Variants in DCAF6 observed in about 807,000 individuals in gnomAD.
The protein encoded by DCAF6 is DDB1 and CUL4 associated factor 6, also known as DDB1- and CUL4-associated factor 6.
In DCAF6, 54 loss-of-function variants were observed where a neutral mutation model predicts 125.1. The ratio of observed to expected loss-of-function variants is 0.43; its 90% CI spans 0.35 to 0.54. DCAF6 has a LOEUF of 0.54. DCAF6 is among the 20% of genes least tolerant of loss of function. The pLI is 0.01. For synonymous variants in DCAF6, 371 were observed against 390.4 expected (o/e 0.95, Z 0.58); for missense variants, 934 against 1,161.7 (o/e 0.80, Z 2.85).
intron 16 of DCAF6, among the ~76,000 whole-genome samples, chr1:168,048,334 A>T (rs138202115): frequency 1.4e-3 from 208 of 152,332 alleles, no homozygotes; most frequent in Admixed American, 3.8e-3. Flanking sequence ...ATACAAGTGT[A>T]TACTTAATTT....
At chr1:167,945,704 G>A (rs1672965563) in intron 1 of DCAF6, among the ~76,000 whole-genome samples, 1 of 151,822 alleles carries the variant, frequency 6.6e-6, no homozygotes, top group Admixed American at 6.6e-5. Flanking sequence ...GTTTCACCAT[G>A]TTGGCCAGGA....
intron 4 of DCAF6, 147 bp downstream of exon 4, chr1:167,975,162 TCAG>T (rs1677959832): frequency 4.4e-6 from 2 of 457,838 alleles, no homozygotes; most frequent in Admixed American, 4.4e-5. Flanking sequence ...TATCTAGGTG[TCAG>T]CAGAGCATTT....
rs189932189 is a variant in DCAF6 at position 167,995,968 on chromosome 1, T to C, written c.903+2528T>C. ...AAGTAGAGGTACAAGTAAATAAATA[T>C]GTAAAACTTAATATAGAATTATGTA... On this transcript the variant is annotated intron_variant, in intron 7 of 21. Transcript: ENST00000367840. 2.0e-3 allele frequency among the ~76,000 whole-genome samples: 303 copies of C among 152,302 alleles called. 2 individuals are homozygous for C. The highest frequency in any genetic ancestry group is 3.4e-3 in the Admixed American group (52 of 15,290).
the DCAF6 span, among the ~76,000 whole-genome samples, chr1:167,866,530 C>CAA: frequency 0.032 from 3,550 of 109,968 alleles, 108 homozygotes; most frequent in Non-Finnish European, 0.053. Context: ...CTCTATGTGC[C>CAA]AAAAAAAAAA....
At chr1:168,009,303 C>A (rs1248409405) in intron 10 of DCAF6, among the ~76,000 whole-genome samples, 1 of 151,794 alleles carries the variant, frequency 6.6e-6, no homozygotes, top group East Asian at 1.9e-4. Flanking sequence ...CTGCCATTTT[C>A]TTTTCTTTCT....
rs182608738 is a variant in DCAF6 at position 167,951,997 on chromosome 1, A to T, written c.159+136A>T. 1.2e-3 allele frequency: 652 copies of T among 539,610 alleles called. 4 individuals carry two copies. The highest frequency in any genetic ancestry group is 0.012 in the African/African-American group (599 of 51,570). 33.4% of individuals were successfully genotyped at this position (539,610 alleles called of 1,614,324 possible). ...GAATAAAGTTTTACATTAAAATATA[A>T]AATTATATTTTGAATCTAGAAGAGT... On this transcript the variant is annotated intron_variant, in intron 2 of 21. Coordinates refer to ENST00000367840, the MANE Select transcript of DCAF6 (RefSeq NM_001198956.2).
upstream of DCAF6, chr1:167,936,633 G>A (rs921241305): frequency 1.3e-5 from 5 of 375,090 alleles, no homozygotes. Flanking sequence ...CTCCGCCTCC[G>A]CCTCCTCCTG....
At chr1:167,925,919 T>TGTC in the DCAF6 span, among the ~76,000 whole-genome samples, 13 of 152,368 alleles carry the variant, frequency 8.5e-5, no homozygotes, top group African/African-American at 3.1e-4. Context: ...TTGATAAGTC[T>TGTC]GTCTTATGCT....
intron 21 of DCAF6, among the ~76,000 whole-genome samples, chr1:168,071,479 C>T (rs962706094): frequency 2.0e-5 from 3 of 151,792 alleles, no homozygotes; most frequent in African/African-American, 4.8e-5. Flanking sequence ...TACAAAAATA[C>T]AAAAATTAGC....
intron 3 of DCAF6, among the ~76,000 whole-genome samples, chr1:167,973,312 A>G (rs79303586): frequency 0.017 from 2,650 of 152,268 alleles, 74 homozygotes; most frequent in African/African-American, 0.059. Context: ...ACATGATGTT[A>G]TATAATTTAT....
chr1:167,992,287 A>C (rs933206753), intron 6 of DCAF6, among the ~76,000 whole-genome samples: 3 of 149,954 alleles, frequency 2.0e-5, no homozygotes, highest in South Asian at 2.1e-4. Context: ...ACACACAAAC[A>C]CCGAATGCAC....
intron 12 of DCAF6, among the ~76,000 whole-genome samples, chr1:168,036,158 C>A (rs1422316835): frequency 6.6e-6 from 1 of 152,134 alleles, no homozygotes; most frequent in Non-Finnish European, 1.5e-5. Context: ...AAGCTTCTTG[C>A]CTTTGGTGGG....
the DCAF6 span, among the ~76,000 whole-genome samples, chr1:167,892,676 A>G: frequency 3.3e-5 from 5 of 152,274 alleles, no homozygotes; most frequent in South Asian, 2.1e-4. Flanking sequence ...TGTTTTTACA[A>G]TGGGCTGAAG....
chr1:167,868,604 T>G, the DCAF6 span, among the ~76,000 whole-genome samples: 1 of 145,872 alleles, frequency 6.9e-6, no homozygotes, highest in Non-Finnish European at 1.5e-5. Flanking sequence ...ACATAGAACC[T>G]ACGCTAAGCT....
the DCAF6 span, among the ~76,000 whole-genome samples, chr1:167,877,525 A>G: frequency 2.6e-5 from 4 of 152,066 alleles, no homozygotes; most frequent in Admixed American, 6.6e-5. Context: ...CCATTCATTT[A>G]TTCATCATTA....
At chr1:167,884,766 C>T in the DCAF6 span, among the ~76,000 whole-genome samples, 6 of 148,880 alleles carry the variant, frequency 4.0e-5, no homozygotes, top group East Asian at 3.9e-4. Flanking sequence ...GGCGCGATCT[C>T]GGCTCACTGC....
At chr1:168,016,633 A>G (rs895413184) in intron 11 of DCAF6, among the ~76,000 whole-genome samples, 2 of 152,126 alleles carry the variant, frequency 1.3e-5, no homozygotes, top group East Asian at 3.8e-4. Flanking sequence ...TTATGACCAG[A>G]AAGTTCATGA....
At chr1:167,937,905 T>G (rs911110015) in intron 1 of DCAF6, among the ~76,000 whole-genome samples, 2 of 152,198 alleles carry the variant, frequency 1.3e-5, no homozygotes, top group Admixed American at 6.5e-5. Flanking sequence ...TCATAAAATT[T>G]TTTTCTTTCC....
chr1:168,033,304 CTTTTTTTTTTT>C (rs200401545), intron 12 of DCAF6, among the ~76,000 whole-genome samples: 2 of 119,792 alleles, frequency 1.7e-5, no homozygotes, highest in African/African-American at 3.3e-5. Flanking sequence ...TGAAAAGGAT[CTTTTTTTTTTT>C]TTTTTTTTTT....
Sources: allele counts gnomAD v4.1 joint callset (sites outside exome capture counted in the v4.1 genomes callset), GRCh38; gene constraint gnomAD v4.1.1; transcripts MANE v1.5; gene names NCBI Gene and HGNC (gene_info 2026-07-23, HGNC 2026-07-21).